The following PTPRD variants were observed in gnomAD, a reference collection of about 807,000 sequenced individuals.
PTPRD encodes the protein receptor-type tyrosine-protein phosphatase delta.
PTPRD carries 34 observed loss-of-function variants against 214.5 expected under a neutral mutation model. The ratio of observed to expected loss-of-function variants is 0.16; its 90% CI spans 0.12 to 0.21. The LOEUF (loss-of-function observed/expected upper bound fraction) is 0.21, where lower values mean the gene tolerates loss of function less well. PTPRD is among the 10% of genes least tolerant of loss of function. The probability of loss-of-function intolerance (pLI) is 1.00; values close to 1 mark genes in which losing one functional copy is unlikely to be tolerated. For missense variants in PTPRD, 2,545 were observed against 2,398.7 expected (o/e 1.06, Z -1.27); for synonymous variants, 1,128 against 845.7 (o/e 1.33, Z -5.79).
chr9:10,147,580 G>A (rs1056037726), intron 3 of PTPRD, among the ~76,000 whole-genome samples: 3 of 152,080 alleles, frequency 2.0e-5, no homozygotes, highest in Non-Finnish European at 2.9e-5. Context: ...TTATAGAGAT[G>A]CAAAAGCTAC....
At chr9:9,528,427 G>C (rs1376508762) in intron 8 of PTPRD, among the ~76,000 whole-genome samples, 1 of 152,084 alleles carries the variant, frequency 6.6e-6, no homozygotes, top group Non-Finnish European at 1.5e-5. Flanking sequence ...AATTAGCTTG[G>C]TCTAAAGGAT....
At chr9:9,971,082 T>G (rs957302417) in intron 4 of PTPRD, among the ~76,000 whole-genome samples, 1 of 152,220 alleles carries the variant, frequency 6.6e-6, no homozygotes. Context: ...TAATTGGTTC[T>G]ATTTGTCACC....
At chr9:10,147,436 G>C (rs1217131650) in intron 3 of PTPRD, among the ~76,000 whole-genome samples, 1 of 152,068 alleles carries the variant, frequency 6.6e-6, no homozygotes, top group Non-Finnish European at 1.5e-5. Context: ...GCAAAGACTT[G>C]AAACAACGTA....
At chr9:9,896,535 A>G (rs1329062808) in intron 5 of PTPRD, among the ~76,000 whole-genome samples, 2 of 152,028 alleles carry the variant, frequency 1.3e-5, no homozygotes, top group Non-Finnish European at 2.9e-5. Flanking sequence ...TTTTTAAAAG[A>G]AAGGAAAAAA....
intron 11 of PTPRD, among the ~76,000 whole-genome samples, chr9:8,998,245 A>AT: frequency 1.3e-5 from 2 of 152,194 alleles, no homozygotes; most frequent in Middle Eastern, 3.4e-3. Flanking sequence ...GAGAGAAGTC[A>AT]ATGCCTGGCT....
intron 3 of PTPRD, among the ~76,000 whole-genome samples, chr9:10,042,548 T>C (rs2097315455): frequency 6.6e-6 from 1 of 151,882 alleles, no homozygotes; most frequent in African/African-American, 2.4e-5. Context: ...AAGATGCAGT[T>C]ACCCTCAGGA....
chr9:9,207,512 AC>A (rs1242347591), intron 9 of PTPRD, among the ~76,000 whole-genome samples: 1 of 152,218 alleles, frequency 6.6e-6, no homozygotes, highest in Admixed American at 6.5e-5. Flanking sequence ...TATTAGACTG[AC>A]AAAACTCCCA....
chr9:8,335,748 T>C (rs949811065), intron 43 of PTPRD, among the ~76,000 whole-genome samples: 2 of 152,168 alleles, frequency 1.3e-5, no homozygotes, highest in Non-Finnish European at 2.9e-5. Flanking sequence ...AAGACCCCAT[T>C]GTCTCAGCCC....
intron 2 of PTPRD, among the ~76,000 whole-genome samples, chr9:10,418,109 T>C (rs1313093345): frequency 6.6e-6 from 1 of 151,794 alleles, no homozygotes; most frequent in Non-Finnish European, 1.5e-5. Context: ...AAGCGAAATA[T>C]ATGGCGCTTG....
intron 11 of PTPRD, among the ~76,000 whole-genome samples, chr9:8,820,385 C>A (rs1239205473): frequency 2.6e-5 from 4 of 152,006 alleles, no homozygotes; most frequent in Admixed American, 2.6e-4. Context: ...TCTCTGCTCT[C>A]ATAACAGCTT....
chr9:8,623,427 G>A (rs1251919359), intron 14 of PTPRD, among the ~76,000 whole-genome samples: 1 of 151,918 alleles, frequency 6.6e-6, no homozygotes. Context: ...TTATTTAGTG[G>A]ACAAGGTAGC....
At chr9:9,919,356 T>A (rs952600000) in intron 5 of PTPRD, among the ~76,000 whole-genome samples, 12 of 152,130 alleles carry the variant, frequency 7.9e-5, no homozygotes, top group Non-Finnish European at 1.0e-4. Context: ...AGTCTCTCTT[T>A]GGGCAGGAAT....
intron 4 of PTPRD, among the ~76,000 whole-genome samples, chr9:10,023,261 G>A (rs1316748433): frequency 1.3e-5 from 2 of 152,022 alleles, no homozygotes; most frequent in African/African-American, 2.4e-5. Flanking sequence ...TAAATTAACA[G>A]ACAACAATTT....
chr9:9,142,524 T>TAGC (rs2099862207), intron 10 of PTPRD, among the ~76,000 whole-genome samples: 2 of 152,236 alleles, frequency 1.3e-5, no homozygotes, highest in Admixed American at 1.3e-4. Context: ...TTGCCAAAGT[T>TAGC]AGCAGTGACT....
chr9:9,360,668 T>C (rs2055759701), intron 9 of PTPRD, among the ~76,000 whole-genome samples: 1 of 151,190 alleles, frequency 6.6e-6, no homozygotes, highest in African/African-American at 2.4e-5. Context: ...AAAATTAATA[T>C]GTAAAGGTAA....
At chr9:9,572,550 C>CAT (rs1045877439) in intron 8 of PTPRD, among the ~76,000 whole-genome samples, 1 of 121,164 alleles carries the variant, frequency 8.3e-6, no homozygotes, top group Non-Finnish European at 1.8e-5. Context: ...TATACAATGG[C>CAT]ATATATATAT....
chr9:9,497,114 T>C (rs2096228446), intron 8 of PTPRD, among the ~76,000 whole-genome samples: 1 of 152,142 alleles, frequency 6.6e-6, no homozygotes, highest in Non-Finnish European at 1.5e-5. Flanking sequence ...GGAATCCTTG[T>C]TCAATGTGTA....
intron 11 of PTPRD, among the ~76,000 whole-genome samples, chr9:8,971,199 A>G (rs1210537581): frequency 6.6e-6 from 1 of 151,876 alleles, no homozygotes; most frequent in Admixed American, 6.6e-5. Context: ...GTTATTATAT[A>G]CAAAAACAAG....
At chr9:9,244,740 T>C (rs1197941512) in intron 9 of PTPRD, among the ~76,000 whole-genome samples, 4 of 151,930 alleles carry the variant, frequency 2.6e-5, no homozygotes, top group Admixed American at 2.0e-4. Flanking sequence ...GGACTTCATG[T>C]CTAAAACACC....
Sources: gnomAD v4.1 joint callset for allele counts (sites outside exome capture counted in the v4.1 genomes callset) on GRCh38, gnomAD v4.1.1 for gene constraint, MANE v1.5 for transcripts, NCBI Gene and HGNC (gene_info 2026-07-23, HGNC 2026-07-21) for gene names.